The following RPS6KC1 variants were observed in gnomAD, a reference collection of about 807,000 sequenced individuals.
RPS6KC1 encodes inactive ribosomal protein S6 kinase delta-1.
RPS6KC1 carries 54 observed loss-of-function variants against 103.8 expected under a neutral mutation model. The observed-to-expected ratio is 0.52, with a 90% CI of 0.42 to 0.65. The LOEUF is 0.65. RPS6KC1 is among the 30% of genes least tolerant of loss of function. The pLI, the probability that RPS6KC1 is intolerant of heterozygous loss-of-function variation, is 0.00. For missense variants in RPS6KC1, 1,151 were observed against 1,253.8 expected (o/e 0.92, Z 1.24); for synonymous variants, 439 against 438.7 (o/e 1.00, Z -0.01).
At chr1:213,355,857 G>A in the RPS6KC1 span, among the ~76,000 whole-genome samples, 1 of 152,110 alleles carries the variant, frequency 6.6e-6, no homozygotes, top group Admixed American at 6.5e-5. Flanking sequence ...AGGCTGTCTG[G>A]GTCTATTCAT....
At chr1:213,231,645 G>C (rs2094106976) in intron 9 of RPS6KC1, among the ~76,000 whole-genome samples, 2 of 152,078 alleles carry the variant, frequency 1.3e-5, no homozygotes. Context: ...CCAGAAAATA[G>C]ACAAACCTTA....
chr1:213,509,724 A>T, the RPS6KC1 span, among the ~76,000 whole-genome samples: 1,161 of 152,330 alleles, frequency 7.6e-3, 15 homozygotes, highest in African/African-American at 0.026. Context: ...TACCTTCATT[A>T]ATACATTTTA....
At chr1:213,461,726 C>A in the RPS6KC1 span, among the ~76,000 whole-genome samples, 1 of 152,110 alleles carries the variant, frequency 6.6e-6, no homozygotes, top group Non-Finnish European at 1.5e-5. Context: ...TAGCTATATG[C>A]AGAAAACTGA....
chr1:213,250,316 A>G (rs1354560865), intron 12 of RPS6KC1, among the ~76,000 whole-genome samples: 1 of 152,190 alleles, frequency 6.6e-6, no homozygotes, highest in Non-Finnish European at 1.5e-5. Context: ...TCTTCTCTGG[A>G]TAATACGCTA....
chr1:213,664,510 C>G, the RPS6KC1 span, among the ~76,000 whole-genome samples: 1 of 152,122 alleles, frequency 6.6e-6, no homozygotes, highest in Non-Finnish European at 1.5e-5. Flanking sequence ...GCAGCTGCTA[C>G]TGCTAACAGG....
chr1:213,793,427 G>A, the RPS6KC1 span, among the ~76,000 whole-genome samples: 1 of 152,102 alleles, frequency 6.6e-6, no homozygotes, highest in Non-Finnish European at 1.5e-5. Context: ...ATAATTAACA[G>A]GCTCTCATTA....
the RPS6KC1 span, among the ~76,000 whole-genome samples, chr1:213,596,720 AT>A: frequency 6.6e-6 from 1 of 152,124 alleles, no homozygotes; most frequent in Non-Finnish European, 1.5e-5. Flanking sequence ...TACTTACATT[AT>A]TTTCCTCTCA....
At chr1:213,293,825 A>G in the RPS6KC1 span, among the ~76,000 whole-genome samples, 2 of 152,230 alleles carry the variant, frequency 1.3e-5, no homozygotes, top group East Asian at 3.8e-4. Context: ...GGTTATAATT[A>G]TGTAGGAACT....
At chr1:213,551,243 G>A in the RPS6KC1 span, among the ~76,000 whole-genome samples, 1 of 152,160 alleles carries the variant, frequency 6.6e-6, no homozygotes, top group Non-Finnish European at 1.5e-5. Context: ...AGAGAAGCCT[G>A]GAGATTCAGG....
intron 7 of RPS6KC1, among the ~76,000 whole-genome samples, chr1:213,171,138 A>G (rs569060594): frequency 1.3e-5 from 2 of 152,270 alleles, no homozygotes; most frequent in African/African-American, 4.8e-5. Flanking sequence ...TCTTTATATA[A>G]TAAATATAAA....
At chr1:213,274,941 C>G (rs905330634), downstream of RPS6KC1, among the ~76,000 whole-genome samples, 6 of 152,134 alleles carry the variant, frequency 3.9e-5, no homozygotes, top group Non-Finnish European at 5.9e-5. Context: ...AAACTCTGTA[C>G]CCACTAAACA....
At chr1:213,107,474 A>G (rs554295497) in intron 4 of RPS6KC1, among the ~76,000 whole-genome samples, 66 of 152,320 alleles carry the variant, frequency 4.3e-4, no homozygotes, top group African/African-American at 1.5e-3. Context: ...CATGTTATGT[A>G]TCAGCATTTT....
intron 1 of RPS6KC1, among the ~76,000 whole-genome samples, chr1:213,059,078 G>C (rs2077591292): frequency 1.3e-5 from 2 of 152,012 alleles, no homozygotes; most frequent in Admixed American, 1.3e-4. Flanking sequence ...TAGAAATTTG[G>C]TTCATTTTTG....
chr1:213,456,037 C>T, the RPS6KC1 span, among the ~76,000 whole-genome samples: 1 of 152,144 alleles, frequency 6.6e-6, no homozygotes, highest in African/African-American at 2.4e-5. Flanking sequence ...AACTGCTACA[C>T]CTGCTTCGGT....
In RPS6KC1 at chr1:213,254,443, AAAGG is replaced by A. The variant is rs149214137; in HGVS notation, c.2912-7111_2912-7108del. On this transcript the variant is annotated intron_variant, in intron 12 of 14. Transcript: ENST00000366960. ...GGAGTGGCTATGTATAGAAAGGAGA[AAAGG>A]AAGAAGATTGAGGAATGCTTGCTCA... Among the ~76,000 whole-genome samples, 37 of 152,246 alleles carry A rather than the reference AAAGG, an allele frequency of 2.4e-4. No individual in the cohort carries two copies. The East Asian group carries it at 5.8e-3, about 24-fold the overall frequency.
At chr1:213,376,174 T>A in the RPS6KC1 span, among the ~76,000 whole-genome samples, 13 of 151,740 alleles carry the variant, frequency 8.6e-5, no homozygotes, top group Non-Finnish European at 1.8e-4. Context: ...AGAAAGTAGA[T>A]ACTGGCAGAC....
chr1:213,614,172 T>G, the RPS6KC1 span, among the ~76,000 whole-genome samples: 1 of 152,180 alleles, frequency 6.6e-6, no homozygotes. Context: ...GTGAAGTGGC[T>G]CACCCAAAGT....
the RPS6KC1 span, among the ~76,000 whole-genome samples, chr1:213,619,943 G>T: frequency 6.6e-6 from 1 of 152,204 alleles, no homozygotes; most frequent in Non-Finnish European, 1.5e-5. Context: ...TAACCACAAT[G>T]AGCTTAGGGT....
the RPS6KC1 span, among the ~76,000 whole-genome samples, chr1:213,355,139 A>G: frequency 6.6e-6 from 1 of 152,030 alleles, no homozygotes; most frequent in Non-Finnish European, 1.5e-5. Context: ...AATCACTTGA[A>G]CCCAGGGACA....
Sources: gnomAD v4.1 joint callset for allele counts (sites outside exome capture counted in the v4.1 genomes callset) on GRCh38, gnomAD v4.1.1 for gene constraint, MANE v1.5 for transcripts, NCBI Gene and HGNC (gene_info 2026-07-23, HGNC 2026-07-21) for gene names.